Variants in SLC44A3 observed in about 807,000 individuals in gnomAD.
SLC44A3 encodes the protein solute carrier family 44 member 3, also known as choline transporter-like protein 3.
A neutral mutation model predicts 75.4 loss-of-function variants in SLC44A3; 74 were observed. That is an observed-to-expected ratio of 0.98 (90% CI 0.81 to 1.19). SLC44A3 has a LOEUF of 1.19. Ranked by LOEUF, SLC44A3 falls within the 50% of genes most tolerant of loss-of-function variation. The pLI, the probability that SLC44A3 is intolerant of heterozygous loss-of-function variation, is 0.00. For synonymous variants in SLC44A3, 310 were observed against 296.9 expected, an observed-to-expected ratio of 1.04 and a Z score of -0.45; for missense variants, 700 against 778.6, an observed-to-expected ratio of 0.90 and a Z score of 1.20.
At chr1:94,871,087 C>T (rs996654715) in intron 12 of SLC44A3, among the ~76,000 whole-genome samples, 1 of 152,188 alleles carries the variant, frequency 6.6e-6, no homozygotes, top group African/African-American at 2.4e-5. Flanking sequence ...TCTGTTTTCC[C>T]TCCAGGACCC....
At chr1:94,886,145 T>C (rs1669560381) in intron 12 of SLC44A3, among the ~76,000 whole-genome samples, 7 of 152,198 alleles carry the variant, frequency 4.6e-5, no homozygotes. Flanking sequence ...CACCACAGCA[T>C]TTCCACCCAA....
Position 94,888,608 on chromosome 1 carries a change from A to G in SLC44A3, c.1483-2522A>G, listed in dbSNP as rs539068902. 60 of 951,354 alleles carry G rather than the reference A, an allele frequency of 6.3e-5. No homozygotes were observed. The South Asian group carries it at 2.3e-3, about 36-fold the overall frequency. 58.9% of individuals were successfully genotyped at this position (951,354 alleles called of 1,614,324 possible). A position where few individuals can be genotyped will look rare whatever the true frequency, so the allele number is the denominator to read the frequency against. On this transcript the variant is annotated intron_variant, in intron 12 of 14. Transcript: ENST00000271227. ...AGCAAATTTCACGCACATTCTATGT[A>G]AGTCCAAAACCAAAATTTCCTTGTG...
At chr1:94,857,246 G>T in intron 9 of SLC44A3, 89 bp from the exon 10 acceptor site, 1 of 1,351,882 alleles carries the variant, frequency 7.4e-7, no homozygotes, top group Non-Finnish European at 9.9e-7. Flanking sequence ...TAATGCCAAA[G>T]GCCAAGCATA....
intron 9 of SLC44A3, among the ~76,000 whole-genome samples, chr1:94,851,608 TG>T (rs1665224180): frequency 6.6e-6 from 1 of 152,218 alleles, no homozygotes; most frequent in African/African-American, 2.4e-5. Flanking sequence ...ATCAGTGTCA[TG>T]GTTGTGAAAT....
chr1:94,869,381 C>T (rs1444213278), intron 12 of SLC44A3, among the ~76,000 whole-genome samples: 1 of 152,212 alleles, frequency 6.6e-6, no homozygotes, highest in Non-Finnish European at 1.5e-5. Flanking sequence ...TGATCCAGCT[C>T]CTGTAGTGAG....
intron 12 of SLC44A3, among the ~76,000 whole-genome samples, chr1:94,880,918 C>T (rs1391000005): frequency 7.4e-6 from 1 of 135,350 alleles, no homozygotes; most frequent in Non-Finnish European, 1.6e-5. Flanking sequence ...AAAAAAAAGG[C>T]AAAGAGCTGG....
intron 2 of SLC44A3, among the ~76,000 whole-genome samples, chr1:94,823,906 A>G (rs1439518725): frequency 1.3e-5 from 2 of 152,198 alleles, no homozygotes; most frequent in East Asian, 3.9e-4. Context: ...AGAGTGGATA[A>G]AAATGATGAT....
intron 10 of SLC44A3, among the ~76,000 whole-genome samples, chr1:94,857,930 C>G (rs568675287): frequency 6.6e-6 from 1 of 150,588 alleles, no homozygotes; most frequent in East Asian, 2.0e-4. Context: ...TCTTCTGCCT[C>G]AGCCTCCCAA....
chr1:94,832,458 G>T (rs1662254312), intron 5 of SLC44A3, among the ~76,000 whole-genome samples: 1 of 152,056 alleles, frequency 6.6e-6, no homozygotes, highest in South Asian at 2.1e-4. Flanking sequence ...GTATATATTT[G>T]CTTGTATAAC....
At chr1:94,848,239 A>AAG (rs1449567653) in intron 9 of SLC44A3, among the ~76,000 whole-genome samples, 3 of 151,584 alleles carry the variant, frequency 2.0e-5, no homozygotes, top group Admixed American at 2.0e-4. Context: ...AAAAAAAAAA[A>AAG]AAAATAGGCC....
chr1:94,862,823 G>A (rs1482463514), intron 10 of SLC44A3, among the ~76,000 whole-genome samples: 1 of 152,168 alleles, frequency 6.6e-6, no homozygotes, highest in Non-Finnish European at 1.5e-5. Flanking sequence ...GCTCAACACT[G>A]GAATGTTGTC....
chr1:94,825,261 C>T (rs973983262), intron 3 of SLC44A3, among the ~76,000 whole-genome samples: 15 of 152,238 alleles, frequency 9.9e-5, no homozygotes, highest in Non-Finnish European at 1.9e-4. Context: ...AAGATGGAGA[C>T]TGCCTTGTAA....
intron 10 of SLC44A3, among the ~76,000 whole-genome samples, chr1:94,858,421 C>T (rs1011063455): frequency 3.9e-5 from 6 of 152,106 alleles, no homozygotes; most frequent in Non-Finnish European, 8.8e-5. Flanking sequence ...ACACACACAC[C>T]CCTGAACGCT....
intron 12 of SLC44A3, among the ~76,000 whole-genome samples, chr1:94,881,435 T>C (rs191373847): frequency 1.2e-3 from 188 of 152,338 alleles, no homozygotes; most frequent in African/African-American, 4.3e-3. Context: ...CCAGGCGCGG[T>C]GGCTGATGCC....
chr1:94,826,174 G>A (rs1661316167), intron 3 of SLC44A3, among the ~76,000 whole-genome samples: 1 of 152,196 alleles, frequency 6.6e-6, no homozygotes, highest in Non-Finnish European at 1.5e-5. Context: ...CATGAGATAT[G>A]TAAAGTAGTC....
At chr1:94,868,001 G>T (rs997995937) in intron 12 of SLC44A3, among the ~76,000 whole-genome samples, 1 of 152,134 alleles carries the variant, frequency 6.6e-6, no homozygotes, top group Non-Finnish European at 1.5e-5. Flanking sequence ...ACTAGGAAAA[G>T]AATTGCCTCC....
intron 12 of SLC44A3, among the ~76,000 whole-genome samples, chr1:94,867,766 C>T (rs2101474046): frequency 6.6e-6 from 1 of 152,226 alleles, no homozygotes; most frequent in East Asian, 1.9e-4. Flanking sequence ...TAGCTCCTGC[C>T]AGAGAAAAGT....
intron 12 of SLC44A3, among the ~76,000 whole-genome samples, chr1:94,883,654 A>G (rs1669239848): frequency 6.6e-6 from 1 of 152,178 alleles, no homozygotes; most frequent in African/African-American, 2.4e-5. Context: ...CAACTTTCTT[A>G]TCTACACTGC....
rs779526111 is a variant in SLC44A3, at chr1:94,857,499, A to T, written c.1237A>T (p.Arg413Ter). 1.2e-6 allele frequency: 2 copies of T among 1,608,398 alleles called. No homozygotes were observed. Among genetic ancestry groups the T allele is most frequent in the Non-Finnish European group, 1.7e-6 (2 of 1,178,296 alleles). Residue 413 changes from arginine (R) to a stop codon, truncating the protein, a stop_gained and splice_region_variant, in exon 10 of 15, where the codon AGA becomes TGA. Transcript: ENST00000271227. LOFTEE classifies it high-confidence loss of function. ...AGAVVTCYFN[R>*]SKNDPPDHPI... ...GGCAGTGGTTACTTGTTATTTCAAC[A>T]GGTAGGTCCAGTGTTTTTTTTCTAT...
Sources: allele counts gnomAD v4.1 joint callset (sites outside exome capture counted in the v4.1 genomes callset), GRCh38; gene constraint gnomAD v4.1.1; transcripts MANE v1.5; gene names NCBI Gene and HGNC (gene_info 2026-07-23, HGNC 2026-07-21).